Variants in KAZN observed in about 807,000 individuals in gnomAD.
The protein encoded by KAZN is kazrin, periplakin interacting protein.
KAZN carries 40 observed loss-of-function variants against 87.4 expected under a neutral mutation model. The observed-to-expected ratio is 0.46, with a 90% CI of 0.36 to 0.60. KAZN has a LOEUF of 0.60. KAZN is among the 20% of genes least tolerant of loss of function. The probability of loss-of-function intolerance (pLI) is 0.00; values close to 1 mark genes in which losing one functional copy is unlikely to be tolerated. For synonymous variants in KAZN, 466 were observed against 458.3 expected, an observed-to-expected ratio of 1.02 and a Z score of -0.22; for missense variants, 898 against 1,073.9, an observed-to-expected ratio of 0.84 and a Z score of 2.29.
intron 2 of KAZN, among the ~76,000 whole-genome samples, chr1:14,377,177 G>A (rs151164423): frequency 1.3e-5 from 2 of 152,306 alleles, no homozygotes; most frequent in African/African-American, 4.8e-5. Flanking sequence ...TAGCTGCTCA[G>A]TATAATATAG....
At chr1:14,624,836 T>G (rs749285228) in intron 1 of KAZN, among the ~76,000 whole-genome samples, 4 of 152,144 alleles carry the variant, frequency 2.6e-5, no homozygotes, top group Non-Finnish European at 5.9e-5. Flanking sequence ...TTCACAAGAA[T>G]ATTATAATTT....
chr1:14,750,959 CTG>C (rs958853542), intron 1 of KAZN, among the ~76,000 whole-genome samples: 1 of 152,204 alleles, frequency 6.6e-6, no homozygotes, highest in African/African-American at 2.4e-5. Context: ...TGAGCAAGGG[CTG>C]ATCACTGTAG....
At chr1:14,188,194 C>CATGTGT (rs71570186) in intron 2 of KAZN, among the ~76,000 whole-genome samples, 3 of 140,054 alleles carry the variant, frequency 2.1e-5, no homozygotes, top group African/African-American at 5.4e-5. Context: ...GAGAGAGGAG[C>CATGTGT]GTGTGTGTGT....
chr1:14,335,356 C>T (rs548013488), intron 2 of KAZN, among the ~76,000 whole-genome samples: 2 of 152,138 alleles, frequency 1.3e-5, no homozygotes, highest in East Asian at 3.9e-4. Flanking sequence ...GCATGTGCCA[C>T]CACACCTGGC....
At chr1:14,078,965 C>T (rs1362953332) in intron 1 of KAZN, among the ~76,000 whole-genome samples, 2 of 152,168 alleles carry the variant, frequency 1.3e-5, no homozygotes, top group African/African-American at 2.4e-5. Flanking sequence ...GGATTACAGG[C>T]GTGAGCCACC....
At chr1:14,849,763 G>A (rs1649211904) in intron 1 of KAZN, among the ~76,000 whole-genome samples, 2 of 152,096 alleles carry the variant, frequency 1.3e-5, no homozygotes, top group South Asian at 2.1e-4. Context: ...ATTAAAAATC[G>A]AATCCAGACT....
At chr1:14,912,144 C>CAAAAA (rs34227761) in intron 1 of KAZN, among the ~76,000 whole-genome samples, 7 of 81,732 alleles carry the variant, frequency 8.6e-5, no homozygotes, top group Admixed American at 1.5e-4. Context: ...GACTCCACCT[C>CAAAAA]AAAAAAAAAA....
intron 1 of KAZN, among the ~76,000 whole-genome samples, chr1:13,975,092 A>G (rs1392921049): frequency 6.6e-6 from 1 of 152,196 alleles, no homozygotes; most frequent in Non-Finnish European, 1.5e-5. Context: ...TGATAAGAAC[A>G]GATGGGGACT....
chr1:13,984,204 G>A (rs374468843), intron 1 of KAZN, among the ~76,000 whole-genome samples: 1 of 152,064 alleles, frequency 6.6e-6, no homozygotes, highest in South Asian at 2.1e-4. Flanking sequence ...TAGAGACGGG[G>A]TTTCACTGTG....
intron 1 of KAZN, among the ~76,000 whole-genome samples, chr1:14,709,313 G>A (rs1047856407): frequency 3.9e-5 from 6 of 152,158 alleles, no homozygotes; most frequent in South Asian, 2.1e-4. Context: ...TTCCAGTTAC[G>A]TGTCTTCCCT....
At chr1:14,859,080 G>A (rs573110750) in intron 1 of KAZN, among the ~76,000 whole-genome samples, 75 of 152,152 alleles carry the variant, frequency 4.9e-4, no homozygotes, top group African/African-American at 1.7e-3. Flanking sequence ...GGTGGCGGGC[G>A]CCTGTAGTCC....
rs1217534091 is a variant in KAZN, at chr1:15,104,201, C to G, written c.2048+12C>G. On this transcript the variant is annotated intron_variant, in intron 13 of 14. Transcript: ENST00000376030. ...TTCCACCCAGCCAAGTGAGCACGGG[C>G]TGGGATCCAGTCATGTGGGCTGCTG... 2 of 1,562,640 alleles carry G rather than the reference C, an allele frequency of 1.3e-6. No homozygotes were observed. Among genetic ancestry groups the G allele is most frequent in the African/African-American group, 2.7e-5 (2 of 73,522 alleles).
intron 1 of KAZN, chr1:14,929,976 G>T (rs921770521): frequency 1.7e-5 from 17 of 985,388 alleles, no homozygotes; most frequent in Non-Finnish European, 2.0e-5. Context: ...TCATCAGATG[G>T]CATTAGCCCG....
chr1:14,666,827 T>A (rs1639586142), intron 1 of KAZN, among the ~76,000 whole-genome samples: 1 of 152,138 alleles, frequency 6.6e-6, no homozygotes, highest in South Asian at 2.1e-4. Context: ...AACCTCAGCC[T>A]CCTGGGTTCA....
chr1:14,056,836 A>C (rs2101493719), intron 1 of KAZN, among the ~76,000 whole-genome samples: 1 of 152,246 alleles, frequency 6.6e-6, no homozygotes, highest in South Asian at 2.1e-4. Flanking sequence ...TACACCATCA[A>C]GTATTTCAAA....
At chr1:14,494,480 G>A (rs539617874) in intron 2 of KAZN, among the ~76,000 whole-genome samples, 1 of 152,310 alleles carries the variant, frequency 6.6e-6, no homozygotes, top group South Asian at 2.1e-4. Context: ...CAGTTGGGAT[G>A]TTGAGTTCCC....
At chr1:14,329,521 A>G (rs1469846807) in intron 2 of KAZN, among the ~76,000 whole-genome samples, 3 of 152,238 alleles carry the variant, frequency 2.0e-5, no homozygotes, top group African/African-American at 7.2e-5. Flanking sequence ...TGATTGGCAG[A>G]TCTAAAATGT....
chr1:13,993,263 A>G (rs1219512046), intron 1 of KAZN, among the ~76,000 whole-genome samples: 3 of 152,212 alleles, frequency 2.0e-5, no homozygotes, highest in Non-Finnish European at 4.4e-5. Context: ...GACCTGGGTT[A>G]CACATGTGGC....
chr1:14,041,014 A>G (rs964581736), intron 1 of KAZN, among the ~76,000 whole-genome samples: 3 of 152,316 alleles, frequency 2.0e-5, no homozygotes, highest in Middle Eastern at 3.4e-3. Context: ...ATAATGGTGA[A>G]AGGCTTCTGA....
Sources: allele counts gnomAD v4.1 joint callset (sites outside exome capture counted in the v4.1 genomes callset), GRCh38; gene constraint gnomAD v4.1.1; transcripts MANE v1.5; gene names NCBI Gene and HGNC (gene_info 2026-07-23, HGNC 2026-07-21).